Variants in ANKS1B observed in about 807,000 individuals in gnomAD.
The protein encoded by ANKS1B is ankyrin repeat and sterile alpha motif domain-containing protein 1B.
In ANKS1B, 36 loss-of-function variants were observed where a neutral mutation model predicts 148.3. That is an observed-to-expected ratio of 0.24 (90% CI 0.19 to 0.32). The LOEUF (loss-of-function observed/expected upper bound fraction) is 0.32. Among genes scored for constraint, ANKS1B ranks in the 10% least tolerant of loss-of-function variants. ANKS1B has a pLI of 1.00. For synonymous variants in ANKS1B, 542 were observed against 560.8 expected (o/e 0.97, Z 0.47); for missense variants, 1,157 against 1,542.6 (o/e 0.75, Z 4.19).
chr12:98,748,429 G>A (rs1264844134), intron 26 of ANKS1B, among the ~76,000 whole-genome samples: 3 of 136,070 alleles, frequency 2.2e-5, no homozygotes, highest in African/African-American at 2.7e-5. Flanking sequence ...CGGCCCTCAG[G>A]TGGATCTACA....
chr12:99,729,214 A>G (rs1441289626), intron 8 of ANKS1B, among the ~76,000 whole-genome samples: 1 of 152,168 alleles, frequency 6.6e-6, no homozygotes, highest in Non-Finnish European at 1.5e-5. Flanking sequence ...GCTTTTTCCG[A>G]GTATAAAATT....
chr12:99,841,015 G>A (rs370323101), intron 1 of ANKS1B, among the ~76,000 whole-genome samples: 4 of 152,044 alleles, frequency 2.6e-5, no homozygotes, highest in East Asian at 3.9e-4. Flanking sequence ...ATAAAAGCAC[G>A]GACTCAGGAT....
At chr12:99,127,989 C>G (rs2064912507) in intron 15 of ANKS1B, among the ~76,000 whole-genome samples, 1 of 152,210 alleles carries the variant, frequency 6.6e-6, no homozygotes, top group Non-Finnish European at 1.5e-5. Context: ...ATCACCTACA[C>G]AGAAAATTCT....
intron 1 of ANKS1B, among the ~76,000 whole-genome samples, chr12:99,860,026 C>T (rs2089813667): frequency 6.6e-6 from 1 of 152,082 alleles, no homozygotes; most frequent in Non-Finnish European, 1.5e-5. Flanking sequence ...TTTCTGAATC[C>T]CAAAGATTAA....
At chr12:99,541,154 C>T (rs557808530) in intron 9 of ANKS1B, among the ~76,000 whole-genome samples, 110 of 152,158 alleles carry the variant, frequency 7.2e-4, no homozygotes, top group African/African-American at 2.5e-3. Context: ...TACGGCCAGG[C>T]TCAGATGGCT....
At chr12:98,872,986 G>A (rs78441918) in intron 17 of ANKS1B, among the ~76,000 whole-genome samples, 3,350 of 152,248 alleles carry the variant, frequency 0.022, 124 homozygotes, top group African/African-American at 0.071. Context: ...TCTGGAAGGA[G>A]GATTTAGGAT....
intron 9 of ANKS1B, among the ~76,000 whole-genome samples, chr12:99,605,067 T>C (rs867864094): frequency 6.6e-6 from 1 of 152,144 alleles, no homozygotes; most frequent in Middle Eastern, 3.4e-3. Flanking sequence ...TTTTGTCATT[T>C]TAACAGGGAA....
intron 25 of ANKS1B, among the ~76,000 whole-genome samples, chr12:98,766,490 G>A (rs867195710): frequency 6.6e-6 from 1 of 152,186 alleles, no homozygotes; most frequent in Non-Finnish European, 1.5e-5. Flanking sequence ...AAGTGTTCGA[G>A]TTCAATTTTT....
At chr12:99,772,284 A>G (rs1017004556) in intron 8 of ANKS1B, among the ~76,000 whole-genome samples, 1 of 152,122 alleles carries the variant, frequency 6.6e-6, no homozygotes, top group African/African-American at 2.4e-5. Context: ...TAATAAATAG[A>G]AATACTTGCT....
rs186070462 is a variant in ANKS1B, at chr12:99,004,363, C to T, written c.2778+48794G>A. The stretch of plus-strand genomic sequence containing the variant: ...TTAAAAACAGGGATTATACCAATAT[C>T]GTCCTCATAGGGTTGTTTGAAAGAC... On this transcript the variant is annotated intron_variant, in intron 17 of 26. Transcript: ENST00000683438. 7.9e-5 allele frequency among the ~76,000 whole-genome samples: 12 copies of T among 152,192 alleles called. No homozygotes were observed. In the East Asian group the frequency reaches 1.5e-3, roughly 20 times the overall value.
intron 10 of ANKS1B, among the ~76,000 whole-genome samples, chr12:99,471,175 T>G (rs183020856): frequency 0.011 from 1,746 of 152,222 alleles, 20 homozygotes; most frequent in Non-Finnish European, 0.018. Flanking sequence ...ACAGCTAAAC[T>G]TAACTGAAAG....
At chr12:99,851,171 A>G (rs2087767532) in intron 1 of ANKS1B, among the ~76,000 whole-genome samples, 1 of 152,118 alleles carries the variant, frequency 6.6e-6, no homozygotes, top group South Asian at 2.1e-4. Context: ...AAACCCTGAA[A>G]ATCATCAAAA....
chr12:99,962,937 C>T lies in ANKS1B; in HGVS notation c.134+21167G>A, dbSNP rs368711948. On this transcript the variant is annotated intron_variant, in intron 1 of 26. Coordinates refer to ENST00000683438, the MANE Select transcript of ANKS1B (RefSeq NM_001352186.2). ...CACGCCATTCTCCTGCCTCAGCCTC[C>T]GGAGTAGCTGGGACTACAGGCGCCC... is the stretch of plus-strand genomic sequence containing the variant. 1.4e-4 allele frequency among the ~76,000 whole-genome samples: 21 copies of T among 152,158 alleles called. No individual in the cohort carries two copies. In the South Asian group the frequency reaches 2.5e-3, roughly 18 times the overall value.
chr12:98,829,059 G>T lies in ANKS1B; in HGVS notation c.3066+115C>A. On this transcript the variant is annotated intron_variant, in intron 19 of 26. Transcript: ENST00000683438. The surrounding 1 kb of genome is among the most constrained non-coding windows in gnomAD (Gnocchi z 5.2). ...AGGAATGAAAGGCGGGGCATAACATGGTATAAATTCTAGTTAGGCACGGAC... is the reference window on the plus strand; with the variant it reads ...AGGAATGAAAGGCGGGGCATAACATTGTATAAATTCTAGTTAGGCACGGAC... 3 of 1,190,164 alleles carry T rather than the reference G, an allele frequency of 2.5e-6. No homozygotes were observed. Among genetic ancestry groups the T allele is most frequent in the Non-Finnish European group, 3.7e-6 (3 of 819,608 alleles). The allele number at this position is 1,190,164 out of a possible 1,614,324, so 73.7% of individuals were successfully genotyped here.
At chr12:99,406,322 T>C (rs1313959338) in intron 11 of ANKS1B, among the ~76,000 whole-genome samples, 2 of 145,932 alleles carry the variant, frequency 1.4e-5, no homozygotes, top group Non-Finnish European at 3.0e-5. Flanking sequence ...TTATATCAAG[T>C]ATCTTCTTTA....
At chr12:99,359,745 G>C (rs1027805865) in intron 12 of ANKS1B, among the ~76,000 whole-genome samples, 1 of 151,968 alleles carries the variant, frequency 6.6e-6, no homozygotes, top group Non-Finnish European at 1.5e-5. Context: ...TTCAAGTATC[G>C]ATCAACATTT....
chr12:99,655,920 A>C (rs1052478200), intron 8 of ANKS1B, among the ~76,000 whole-genome samples: 4 of 152,146 alleles, frequency 2.6e-5, no homozygotes, highest in African/African-American at 9.7e-5. Flanking sequence ...AAAGCAAAGA[A>C]CCTTCATGTG....
chr12:98,781,582 G>A (rs934304275), intron 23 of ANKS1B: 6 of 380,500 alleles, frequency 1.6e-5, no homozygotes, highest in Non-Finnish European at 2.6e-5. Flanking sequence ...AAACCACATC[G>A]GACTTAACTC....
chr12:99,051,135 G>C (rs574163525), intron 17 of ANKS1B, among the ~76,000 whole-genome samples: 184 of 152,308 alleles, frequency 1.2e-3, no homozygotes, highest in African/African-American at 4.2e-3. Flanking sequence ...TCTGGCTGCA[G>C]TCACTAAACA....
Sources: allele counts gnomAD v4.1 joint callset (sites outside exome capture counted in the v4.1 genomes callset), GRCh38; gene constraint gnomAD v4.1.1; non-coding constraint Gnocchi (gnomAD v3.1); transcripts MANE v1.5; gene names NCBI Gene and HGNC (gene_info 2026-07-23, HGNC 2026-07-21).